Variants in C12orf42 observed in about 807,000 individuals in gnomAD.
C12orf42 encodes uncharacterized protein C12orf42.
Under a neutral mutation model 21.6 loss-of-function variants are expected in C12orf42, and 25 were observed. The ratio of observed to expected loss-of-function variants is 1.16; its 90% confidence interval spans 0.84 to 1.62. The LOEUF (loss-of-function observed/expected upper bound fraction) is 1.62, where lower values mean the gene tolerates loss of function less well. C12orf42 is among the 40% of genes most tolerant of loss of function. The pLI, the probability that C12orf42 is intolerant of heterozygous loss-of-function variation, is 0.00. For synonymous variants in C12orf42, 174 were observed against 175.0 expected (o/e 0.99, Z 0.05); for missense variants, 483 against 459.3 (o/e 1.05, Z -0.47).
chr12:103,122,980 G>A, the C12orf42 span, among the ~76,000 whole-genome samples: 1 of 152,154 alleles, frequency 6.6e-6, no homozygotes. Context: ...GAATAATTAT[G>A]AAGCTGCTAC....
At chr12:103,178,513 C>A in the C12orf42 span, 1 of 152,148 alleles carries the variant, frequency 6.6e-6, no homozygotes, top group Non-Finnish European at 1.5e-5. Flanking sequence ...CCTCTCGGAG[C>A]AGTGGTCTGA....
intron 4 of C12orf42, among the ~76,000 whole-genome samples, chr12:103,319,704 T>C (rs535249009): frequency 6.6e-6 from 1 of 152,380 alleles, no homozygotes; most frequent in African/African-American, 2.4e-5. Context: ...ATACATCTTC[T>C]AACACATGCA....
At chr12:103,415,954 G>A (rs147458000) in intron 2 of C12orf42, among the ~76,000 whole-genome samples, 1 of 151,690 alleles carries the variant, frequency 6.6e-6, no homozygotes, top group African/African-American at 2.4e-5. Flanking sequence ...GCCTTTTTCT[G>A]TAGGTTTCCT....
the C12orf42 span, chr12:103,155,229 G>A: frequency 6.6e-6 from 1 of 152,104 alleles, no homozygotes; most frequent in African/African-American, 2.4e-5. Flanking sequence ...CCAGCACCAC[G>A]GCCAAATCAC....
chr12:103,369,523 G>T (rs1437431597), intron 3 of C12orf42, among the ~76,000 whole-genome samples: 1 of 151,774 alleles, frequency 6.6e-6, no homozygotes, highest in African/African-American at 2.4e-5. Context: ...TTGGTTGAGA[G>T]TCATTCCAAG....
At chr12:103,206,527 C>CTATT in the C12orf42 span, among the ~76,000 whole-genome samples, 1 of 151,582 alleles carries the variant, frequency 6.6e-6, no homozygotes, top group Admixed American at 6.6e-5. Flanking sequence ...ATATTACACA[C>CTATT]ACACACACAC....
chr12:103,341,156 C>A (rs1278522976), intron 4 of C12orf42, among the ~76,000 whole-genome samples: 2 of 146,386 alleles, frequency 1.4e-5, no homozygotes, highest in Non-Finnish European at 3.0e-5. Flanking sequence ...TAAAAATTAT[C>A]CAAAATAAAA....
chr12:103,490,111 T>C (rs868265453), intron 1 of C12orf42, among the ~76,000 whole-genome samples: 6 of 152,248 alleles, frequency 3.9e-5, no homozygotes, highest in Admixed American at 6.5e-5. Context: ...GTCAGGTTTA[T>C]GTATTGCTCC....
the C12orf42 span, among the ~76,000 whole-genome samples, chr12:103,075,265 C>T: frequency 1.3e-5 from 2 of 152,076 alleles, no homozygotes; most frequent in African/African-American, 4.8e-5. Context: ...TTAGATATTA[C>T]TTTTGGCCTC....
chr12:103,164,239 G>A, the C12orf42 span, among the ~76,000 whole-genome samples: 3 of 152,128 alleles, frequency 2.0e-5, no homozygotes, highest in Non-Finnish European at 1.5e-5. Flanking sequence ...AACCCTATTC[G>A]TATCTCCATA....
chr12:103,308,147 T>C (rs542241668), intron 4 of C12orf42, among the ~76,000 whole-genome samples: 3 of 152,294 alleles, frequency 2.0e-5, no homozygotes, highest in African/African-American at 7.2e-5. Flanking sequence ...ATTCTAACTA[T>C]TAATAGTAGA....
chr12:103,363,355 T>A (rs1017379974), intron 4 of C12orf42, among the ~76,000 whole-genome samples: 1 of 152,084 alleles, frequency 6.6e-6, no homozygotes, highest in African/African-American at 2.4e-5. Flanking sequence ...CTCTAAATCT[T>A]GAAAGAAATC....
At chr12:103,240,617 C>T (rs764926723) in intron 10 of C12orf42, among the ~76,000 whole-genome samples, 22 of 152,206 alleles carry the variant, frequency 1.4e-4, no homozygotes, top group Middle Eastern at 3.4e-3. Context: ...ATGCCAGAAC[C>T]GCTGTTTCCA....
chr12:103,074,072 T>C, the C12orf42 span, among the ~76,000 whole-genome samples: 1 of 152,138 alleles, frequency 6.6e-6, no homozygotes, highest in African/African-American at 2.4e-5. Flanking sequence ...AGAATGGAGA[T>C]AAATGGGCTT....
At chr12:103,524,351 T>C in the C12orf42 span, among the ~76,000 whole-genome samples, 4 of 152,104 alleles carry the variant, frequency 2.6e-5, no homozygotes, top group African/African-American at 9.7e-5. Context: ...CAGATTCCCA[T>C]CGTTTCCAGC....
chr12:103,234,726 C>T (rs1305537074), downstream of C12orf42, among the ~76,000 whole-genome samples: 3 of 152,096 alleles, frequency 2.0e-5, no homozygotes, highest in East Asian at 5.8e-4. Flanking sequence ...ATGTCTTTCC[C>T]CAACCCACAG....
intron 3 of C12orf42, among the ~76,000 whole-genome samples, chr12:103,370,847 T>C (rs1188910105): frequency 6.6e-6 from 1 of 152,058 alleles, no homozygotes; most frequent in East Asian, 1.9e-4. Context: ...GTTCACCATA[T>C]AACAAACCTG....
intron 3 of C12orf42, among the ~76,000 whole-genome samples, chr12:103,384,630 C>T (rs1388045873): frequency 1.3e-5 from 2 of 152,188 alleles, no homozygotes; most frequent in Non-Finnish European, 2.9e-5. Flanking sequence ...AAAACATTAA[C>T]ATGCATACAT....
the C12orf42 span, among the ~76,000 whole-genome samples, chr12:103,145,984 G>C: frequency 6.6e-6 from 1 of 152,100 alleles, no homozygotes; most frequent in African/African-American, 2.4e-5. Flanking sequence ...GAGAAAGAGA[G>C]AGAGGGAGAA....
Sources: gnomAD v4.1 joint callset for allele counts (sites outside exome capture counted in the v4.1 genomes callset) on GRCh38, gnomAD v4.1.1 for gene constraint, MANE v1.5 for transcripts, NCBI Gene and HGNC (gene_info 2026-07-23, HGNC 2026-07-21) for gene names.